PRKCI: variants seen among roughly 807,000 people sequenced by gnomAD.
The protein encoded by PRKCI is protein kinase C iota.
In PRKCI, 43 loss-of-function variants were observed where a neutral mutation model predicts 84.0. That is an observed-to-expected ratio of 0.51 (90% CI 0.40 to 0.66). PRKCI has a LOEUF of 0.66. PRKCI is among the 30% of genes least tolerant of loss of function. The probability of loss-of-function intolerance (pLI) is 0.00; values close to 1 mark genes in which losing one functional copy is unlikely to be tolerated. For missense variants in PRKCI, 459 were observed against 745.6 expected (o/e 0.62, Z 4.48); for synonymous variants, 216 against 234.4 (o/e 0.92, Z 0.72).
intron 12 of PRKCI, among the ~76,000 whole-genome samples, chr3:170,287,274 A>G (rs1301736322): frequency 6.6e-6 from 1 of 151,902 alleles, no homozygotes; most frequent in Non-Finnish European, 1.5e-5. Flanking sequence ...AGTGAGCTGT[A>G]ATCGCGCCAC....
At chr3:170,269,929 G>A (rs1272887503) in intron 5 of PRKCI, among the ~76,000 whole-genome samples, 1 of 151,708 alleles carries the variant, frequency 6.6e-6, no homozygotes, top group Non-Finnish European at 1.5e-5. Flanking sequence ...TTGCATTCCA[G>A]CCTGGGCAAC....
intron 1 of PRKCI, among the ~76,000 whole-genome samples, chr3:170,228,311 A>G (rs1732687305): frequency 6.6e-6 from 1 of 152,176 alleles, no homozygotes; most frequent in Non-Finnish European, 1.5e-5. Flanking sequence ...ATAGAAATAC[A>G]GAAAGAGGCT....
chr3:170,267,675 CAAA>C (rs1169448041), intron 4 of PRKCI, among the ~76,000 whole-genome samples: 2 of 52,970 alleles, frequency 3.8e-5, no homozygotes, highest in Non-Finnish European at 4.2e-5. Context: ...TCCATCTCAC[CAAA>C]AAAAAAAAAA....
At chr3:170,288,258 A>G (rs1336786775) in intron 12 of PRKCI, among the ~76,000 whole-genome samples, 2 of 151,784 alleles carry the variant, frequency 1.3e-5, no homozygotes, top group South Asian at 2.1e-4. Context: ...AAAAAAAAAA[A>G]GGACTTTTCT....
At chr3:170,291,971 G>C (rs747540178) in intron 13 of PRKCI, 30 bp downstream of exon 13, 1 of 1,479,346 alleles carries the variant, frequency 6.8e-7, no homozygotes, top group Non-Finnish European at 9.4e-7. Context: ...TATTATTTTA[G>C]CTATTGCTAG....
At chr3:170,226,997 T>C (rs867364329) in intron 1 of PRKCI, among the ~76,000 whole-genome samples, 13 of 151,950 alleles carry the variant, frequency 8.6e-5, no homozygotes, top group African/African-American at 3.1e-4. Context: ...GAAGCTGGAG[T>C]TGGAGGGAGA....
At chr3:170,282,395 A>G (rs931949039) in intron 11 of PRKCI, among the ~76,000 whole-genome samples, 2 of 152,100 alleles carry the variant, frequency 1.3e-5, no homozygotes, top group African/African-American at 4.8e-5. Context: ...CATACTTGAG[A>G]GTAATTAAAC....
chr3:170,222,838 G>T, intron 1 of PRKCI, 68 bp downstream of exon 1: 2 of 1,132,346 alleles, frequency 1.8e-6, no homozygotes, highest in Admixed American at 2.1e-5. Flanking sequence ...TGGAGGAGGG[G>T]AGGGTGAGGG....
intron 1 of PRKCI, among the ~76,000 whole-genome samples, chr3:170,224,840 ATTC>A (rs1732588683): frequency 6.6e-6 from 1 of 152,230 alleles, no homozygotes; most frequent in African/African-American, 2.4e-5. Flanking sequence ...CTTTCAATAA[ATTC>A]TTATTAATTG....
chr3:170,270,569 G>A lies in PRKCI; in HGVS notation c.591+8G>A. On this transcript the variant is annotated splice_region_variant and intron_variant, in intron 6 of 17. Transcript: ENST00000295797. ...CGGCATTCTTTGCCACAGGTAAGAT[G>A]TCTGTCCTTTTTTTTTTTTTTTTTT... 6.6e-7 allele frequency: 1 copy of A among 1,523,896 alleles called. No homozygotes were observed. Among genetic ancestry groups the A allele is most frequent in the Non-Finnish European group, 8.8e-7 (1 of 1,138,264 alleles). The allele number at this position is 1,523,896 out of a possible 1,614,324, so 94.4% of individuals were successfully genotyped here.
intron 2 of PRKCI, among the ~76,000 whole-genome samples, chr3:170,251,490 TATAA>T (rs1252297970): frequency 1.3e-5 from 2 of 152,134 alleles, no homozygotes; most frequent in African/African-American, 2.4e-5. Flanking sequence ...CATAATGAGG[TATAA>T]ATAGTCAATT....
At chr3:170,264,366 A>G (rs1483447155) in intron 4 of PRKCI, among the ~76,000 whole-genome samples, 5 of 151,738 alleles carry the variant, frequency 3.3e-5, no homozygotes, top group African/African-American at 1.2e-4. Flanking sequence ...TGCAACCTTC[A>G]CCTCTGGGGT....
chr3:170,283,445 A>G (rs910337178), intron 11 of PRKCI, among the ~76,000 whole-genome samples: 3 of 152,202 alleles, frequency 2.0e-5, no homozygotes, highest in South Asian at 2.1e-4. Flanking sequence ...AAATTTCATA[A>G]GAAGATATAA....
At chr3:170,269,488 T>A (rs1015812663) in intron 5 of PRKCI, among the ~76,000 whole-genome samples, 10 of 151,506 alleles carry the variant, frequency 6.6e-5, no homozygotes, top group Non-Finnish European at 1.3e-4. Flanking sequence ...TAGTGTGAGA[T>A]CCCATCTCTA....
intron 17 of PRKCI, among the ~76,000 whole-genome samples, chr3:170,300,969 C>A (rs1480894084): frequency 2.0e-5 from 3 of 152,132 alleles, no homozygotes; most frequent in Non-Finnish European, 4.4e-5. Flanking sequence ...TGACAGCCTT[C>A]TTTTTGCTAT....
At chr3:170,297,504 GA>G (rs1408516240) in intron 16 of PRKCI, 111 bp downstream of exon 16, 1 of 832,684 alleles carries the variant, frequency 1.2e-6, no homozygotes, top group African/African-American at 1.7e-5. Context: ...ACCGAGGCTG[GA>G]GTACAATGGC....
chr3:170,230,740 A>G (rs1009264870), intron 1 of PRKCI, among the ~76,000 whole-genome samples: 1 of 152,130 alleles, frequency 6.6e-6, no homozygotes, highest in Non-Finnish European at 1.5e-5. Context: ...TTATTCTAAT[A>G]CCATTATTGG....
rs757016401 is a variant in PRKCI, at chr3:170,222,648, G to A, written c.-22G>A. The stretch of plus-strand genomic sequence containing the variant: ...CCCCCCCGCACCCCCGGCCTCCAGC[G>A]TTGAGGCGGGGGAGTGAGGAGATGC... On this transcript the variant is annotated 5_prime_UTR_variant, in exon 1 of 18. Coordinates refer to ENST00000295797, the MANE Select transcript of PRKCI (RefSeq NM_002740.6). 698 of 1,552,428 alleles carry A rather than the reference G, an allele frequency of 4.5e-4. No homozygotes were observed. Among genetic ancestry groups the A allele is most frequent in the Non-Finnish European group, 5.4e-4 (624 of 1,150,070 alleles).
At chr3:170,264,927 T>C (rs1238950613) in intron 4 of PRKCI, among the ~76,000 whole-genome samples, 4 of 152,014 alleles carry the variant, frequency 2.6e-5, no homozygotes, top group African/African-American at 9.7e-5. Context: ...GGCTCATGCC[T>C]GTAACCCTAG....
Sources: gnomAD v4.1 joint callset for allele counts (sites outside exome capture counted in the v4.1 genomes callset) on GRCh38, gnomAD v4.1.1 for gene constraint, MANE v1.5 for transcripts, NCBI Gene and HGNC (gene_info 2026-07-23, HGNC 2026-07-21) for gene names.